Variants in CD151 observed in about 807,000 individuals in gnomAD.
CD151 encodes the protein CD151 antigen.
CD151 carries 20 observed loss-of-function variants against 34.2 expected under a neutral mutation model. The observed-to-expected ratio is 0.58, with a 90% CI of 0.41 to 0.85. CD151 has a LOEUF of 0.85. Ranked by LOEUF, CD151 falls within the 40% of genes least tolerant of loss-of-function variation. The probability of loss-of-function intolerance (pLI) is 0.00; values close to 1 mark genes in which losing one functional copy is unlikely to be tolerated. For missense variants in CD151, 306 were observed against 324.5 expected (o/e 0.94, Z 0.44); for synonymous variants, 157 against 131.7 (o/e 1.19, Z -1.32).
intron 1 of CD151, among the ~76,000 whole-genome samples, chr11:833,662 G>T (rs974045853): frequency 2.0e-5 from 3 of 152,190 alleles, no homozygotes; most frequent in African/African-American, 7.2e-5. Flanking sequence ...TTCCTGGGAA[G>T]AGGGGCCACT....
chr11:833,822 C>CAGACGCACA (rs1565115662), intron 1 of CD151, among the ~76,000 whole-genome samples: 2 of 18,090 alleles, frequency 1.1e-4, no homozygotes, highest in Non-Finnish European at 1.6e-4. Context: ...GCACACCCCG[C>CAGACGCACA]CCCCCGGTGG....
At position 836,018 on chromosome 11, in the gene CD151, G is replaced by A. The variant is rs376327436; in HGVS notation, c.-7-45G>A. On this transcript the variant is annotated intron_variant, in intron 2 of 8. Transcript: ENST00000397420. Reference sequence around the variant, plus strand: ...CCCCTCCTATCCGTCTCCCAGTCAGGGGCCCGGTGCTGTGGCCCCGCTGAC... The same window carrying A: ...CCCCTCCTATCCGTCTCCCAGTCAGAGGCCCGGTGCTGTGGCCCCGCTGAC... 6.9e-6 allele frequency: 8 copies of A among 1,152,548 alleles called. No homozygotes were observed. The East Asian group carries it at 1.2e-4, about 17-fold the overall frequency. The allele number at this position is 1,152,548 out of a possible 1,614,324, so 71.4% of individuals were successfully genotyped here.
Position 838,446 on chromosome 11 carries a change from T to A in CD151, c.*254T>A. 1.7e-6 allele frequency: 1 copy of A among 587,836 alleles called. No homozygotes were observed. The highest frequency in any genetic ancestry group is 2.0e-5 in the South Asian group (1 of 49,882). The allele number at this position is 587,836 out of a possible 1,614,324, so 36.4% of individuals were successfully genotyped here. On this transcript the variant is annotated 3_prime_UTR_variant, in exon 9 of 9. Transcript: ENST00000397420. Reference sequence around the variant, plus strand: ...ACACACTCTCTGCCTGGTGGTCAGATGCAGGTTGGAAGGGGCCTTGCTGAG... The same window carrying A: ...ACACACTCTCTGCCTGGTGGTCAGAAGCAGGTTGGAAGGGGCCTTGCTGAG...
intron 4 of CD151, 94 bp from the exon 5 acceptor site, chr11:836,675 G>A: frequency 8.0e-7 from 1 of 1,256,748 alleles, no homozygotes. Context: ...CCCACCTGGA[G>A]CCTGGGGAGC....
chr11:835,599 C>T (rs183896192), intron 2 of CD151: 1 of 157,652 alleles, frequency 6.3e-6, no homozygotes, highest in East Asian at 1.9e-4. Flanking sequence ...GCCTTGGCCT[C>T]CCAAAGTGCT....
Position 838,691 on chromosome 11 carries a change from A to G in CD151, c.*499A>G. ...CCCCACCGCAGTCACCACCACCCGA[A>G]ATGCCACGTGGTCACTGTGCACTGC... On this transcript the variant is annotated 3_prime_UTR_variant, in exon 9 of 9. Coordinates refer to ENST00000397420, the MANE Select transcript of CD151 (RefSeq NM_004357.5). 3 of 196,602 alleles carry G rather than the reference A, an allele frequency of 1.5e-5. No homozygotes were observed. Among genetic ancestry groups the G allele is most frequent in the Non-Finnish European group, 3.2e-5 (3 of 94,646 alleles). 12.2% of individuals were successfully genotyped at this position (196,602 alleles called of 1,614,324 possible). A position where few individuals can be genotyped will look rare whatever the true frequency, so the allele number is the denominator to read the frequency against.
At position 837,354 on chromosome 11, in the gene CD151, G is replaced by C; in HGVS notation, c.456G>C (p.Glu152Asp). ...GCGCTGTGGACCAGCTGCAGCAGGA[G>C]GTGGGTGGGTGGTGCTGGGAGGGCG... ...VTSAVDQLQQ[E>D]FHCCGSNNSQ... is the part of the protein sequence containing the mutation. Residue 152 changes from glutamate (E) to aspartate (D), a missense_variant and splice_region_variant, in exon 6 of 9, where the codon GAG becomes GAC. Physicochemically the swap from Glu to Asp is conservative, Grantham distance 45. Coordinates refer to ENST00000397420, the MANE Select transcript of CD151 (RefSeq NM_004357.5). 6.2e-7 allele frequency: 1 copy of C among 1,612,290 alleles called. No homozygotes were observed. The highest frequency in any genetic ancestry group is 1.7e-5 in the Admixed American group (1 of 60,018).
In CD151 at chr11:838,159, C is replaced by T. The variant is rs146967048; in HGVS notation, c.729C>T (p.Cys243=). Residue 243 remains cysteine (C), a synonymous_variant, in exon 9 of 9, where the codon TGC becomes TGT. Coordinates refer to ENST00000397420, the MANE Select transcript of CD151 (RefSeq NM_004357.5). ...VQVFGMIFTC[C]LYRSLKLEHY ...TCTTTGGCATGATCTTCACGTGCTG[C>T]CTGTACAGGAGTCTCAAGCTGGAGC... is the stretch of plus-strand genomic sequence containing the variant. 5.6e-6 allele frequency: 9 copies of T among 1,613,116 alleles called. No individual in the cohort carries two copies. In the African/African-American group the frequency reaches 1.2e-4, roughly 22 times the overall value.
In CD151 at chr11:838,499, G is replaced by T. The variant is rs1326050787; in HGVS notation, c.*307G>T. ...GCGCAAGGCCGAGCGTTCCCAGCAG[G>T]GGGAGAAACCCTTCACACCCCAGGC... On this transcript the variant is annotated 3_prime_UTR_variant, in exon 9 of 9. Transcript: ENST00000397420. 16 of 522,652 alleles carry T rather than the reference G, an allele frequency of 3.1e-5. No homozygotes were observed. The highest frequency in any genetic ancestry group is 3.5e-5 in the Admixed American group (1 of 28,458). 32.4% of individuals were successfully genotyped at this position (522,652 alleles called of 1,614,324 possible).
chr11:837,820 TTGG>T (rs1027443137), intron 7 of CD151, 119 bp from the exon 8 acceptor site: 1 of 878,408 alleles, frequency 1.1e-6, no homozygotes, highest in African/African-American at 1.7e-5. Context: ...GGCTGAGCTG[TTGG>T]TGGCCTGGCT....
At position 836,093 on chromosome 11, in the gene CD151, G is replaced by A. The variant is rs755570869; in HGVS notation, c.24G>A (p.Lys8=). Residue 8 remains lysine (K), a synonymous_variant, in exon 3 of 9, where the codon AAG becomes AAA. Coordinates refer to ENST00000397420, the MANE Select transcript of CD151 (RefSeq NM_004357.5). The part of the protein sequence containing the change: MGEFNEK[K]TTCGTVCLKY... Reference sequence around the variant, plus strand: ...GGATGGGTGAGTTCAACGAGAAGAAGACAACATGTGGCACCGTTTGCCTCA... The same window carrying A: ...GGATGGGTGAGTTCAACGAGAAGAAAACAACATGTGGCACCGTTTGCCTCA... The A allele has an allele frequency of 9.9e-6, 16 of 1,612,596 alleles. No homozygotes were observed. In the East Asian group the frequency reaches 3.1e-4, roughly 31 times the overall value.
intron 2 of CD151, chr11:835,727 G>A (rs972339305): frequency 8.5e-5 from 19 of 222,422 alleles, no homozygotes; most frequent in Admixed American, 2.6e-4. Context: ...TCACTCTGTC[G>A]CCCAGGCTGG....
Position 838,196 on chromosome 11 carries a change from T to G in CD151, c.*4T>G, listed in dbSNP as rs765034001. The G allele has an allele frequency of 2.5e-6, 4 of 1,612,014 alleles. No individual in the cohort carries two copies. The African/African-American group carries it at 4.0e-5, about 16-fold the overall frequency. ...TCTCAAGCTGGAGCACTACTGACCC[T>G]GCCTTGGGCCTTGCTGCTGCTGCAC... On this transcript the variant is annotated 3_prime_UTR_variant, in exon 9 of 9. Coordinates refer to ENST00000397420, the MANE Select transcript of CD151 (RefSeq NM_004357.5).
At position 837,269 on chromosome 11, in the gene CD151, A is replaced by G. The variant is rs1565118371; in HGVS notation, c.371A>G (p.Glu124Gly). The change falls in exon 6 of 9, where the codon GAG becomes GGG. Residue 124 changes from glutamate (E) to glycine (G), a missense_variant. By Grantham distance (98) the Glu-to-Gly change is moderately conservative (BLOSUM62 -2). Transcript: ENST00000397420. ...CCCCAGCTGAACACGGAGCTCAAGG[A>G]GAACCTGAAGGACACCATGACCAAG... Reference protein sequence around the residue: ...YYQQLNTELKENLKDTMTKRY... With the variant: ...YYQQLNTELKGNLKDTMTKRY... 6.2e-7 allele frequency: 1 copy of G among 1,613,038 alleles called. No individual in the cohort carries two copies.
intron 4 of CD151, 88 bp downstream of exon 4, chr11:836,530 G>A (rs1846777316): frequency 2.1e-6 from 2 of 961,774 alleles, no homozygotes; most frequent in Non-Finnish European, 2.9e-6. Context: ...GTGCCTTGCT[G>A]TGCTCACCTG....
chr11:838,369 T>G lies in CD151; in HGVS notation c.*177T>G, dbSNP rs1590211563. 992 of 420,874 alleles carry G rather than the reference T, an allele frequency of 2.4e-3. No homozygotes were observed. Among genetic ancestry groups the G allele is most frequent in the South Asian group, 0.012 (256 of 20,522 alleles). 26.1% of individuals were successfully genotyped at this position (420,874 alleles called of 1,614,324 possible). ...GCGCACCAATGCCCAGCAGGGGAGG[T>G]GAGGGGGGCTGGCGGGGCGAAGTTT... On this transcript the variant is annotated 3_prime_UTR_variant, in exon 9 of 9. Coordinates refer to ENST00000397420, the MANE Select transcript of CD151 (RefSeq NM_004357.5).
At chr11:834,202 T>C (rs1488780071) in intron 1 of CD151, 3 of 151,994 alleles carry the variant, frequency 2.0e-5, no homozygotes, top group African/African-American at 7.3e-5. Flanking sequence ...GTACTAAAAA[T>C]ACAAACATTA....
At chr11:836,198 C>A in intron 3 of CD151, 45 bp downstream of exon 3, 1 of 1,564,250 alleles carries the variant, frequency 6.4e-7, no homozygotes, top group South Asian at 1.1e-5. Flanking sequence ...CCACCCCTCC[C>A]GGGCCACCAT....
At chr11:835,996 C>G in intron 2 of CD151, 67 bp from the exon 3 acceptor site, 1 of 951,150 alleles carries the variant, frequency 1.1e-6, no homozygotes, top group Non-Finnish European at 1.7e-6. Flanking sequence ...CCTGTGTCCC[C>G]TCCTATCCGT....
Sources: gnomAD v4.1 joint callset for allele counts (sites outside exome capture counted in the v4.1 genomes callset) on GRCh38, gnomAD v4.1.1 for gene constraint, MANE v1.5 for transcripts, NCBI Gene and HGNC (gene_info 2026-07-23, HGNC 2026-07-21) for gene names.